The following CEP295NL variants were observed in gnomAD, a reference collection of about 807,000 sequenced individuals.
CEP295NL encodes the protein CEP295 N-terminal like.
In CEP295NL, 3 loss-of-function variants were observed where a neutral mutation model predicts 4.6. That is an observed-to-expected ratio of 0.65 (90% CI 0.30 to 1.69). The LOEUF (loss-of-function observed/expected upper bound fraction) is 1.69. Ranked by LOEUF, CEP295NL falls within the 40% of genes most tolerant of loss-of-function variation. The probability of loss-of-function intolerance (pLI) is 0.10; values close to 1 mark genes in which losing one functional copy is unlikely to be tolerated. For missense variants in CEP295NL, 719 were observed against 769.0 expected (o/e 0.93, Z 0.77); for synonymous variants, 295 against 312.2 (o/e 0.94, Z 0.58).
At position 78,892,049 on chromosome 17, in the gene CEP295NL, G is replaced by A. The variant is rs925503035; in HGVS notation, c.455C>T (p.Ser152Leu). The change falls in exon 3 of 3, where the codon TCG becomes TTG. Residue 152 changes from serine (S) to leucine (L), a missense_variant. Ser to Leu is a moderately radical substitution (Grantham distance 145, BLOSUM62 -2). Coordinates refer to ENST00000322630, the MANE Select transcript of CEP295NL (RefSeq NM_001243540.2). The stretch of plus-strand genomic sequence containing the variant: ...TGATCTTCGCTGGATGGGCCCCTGC[G>A]AGTCAGGCTCATTTTCCCTGGCCCG... ...GGRARENEPD[S>L]QGPIQRRSAR... 39 of 1,550,938 alleles carry A rather than the reference G, an allele frequency of 2.5e-5. No homozygotes were observed. Among genetic ancestry groups the A allele is most frequent in the Admixed American group, 9.8e-5 (5 of 50,998 alleles).
In CEP295NL at chr17:78,891,330, C is replaced by G. The variant is rs1255316724; in HGVS notation, c.1174G>C (p.Gly392Arg). The part of the protein sequence containing the change: ...MQECGAGTPR[G>R]KKMADPEMLP... ...ATCTCTGGGTCTGCCATTTTCTTCCCTCTTGGGGTCCCAGCGCCACACTCT... is the reference window on the plus strand; with the variant it reads ...ATCTCTGGGTCTGCCATTTTCTTCCGTCTTGGGGTCCCAGCGCCACACTCT... Residue 392 changes from glycine to arginine, a missense_variant, in exon 3 of 3, where the codon GGG becomes CGG. By Grantham distance (125) the Gly-to-Arg change is moderately radical (BLOSUM62 -2). Coordinates refer to ENST00000322630, the MANE Select transcript of CEP295NL (RefSeq NM_001243540.2). This position sits in a 1 kb window ranked among gnomAD's most constrained non-coding sequence, Gnocchi z 4.5. The G allele has an allele frequency of 1.3e-6, 2 of 1,550,324 alleles. No individual in the cohort carries two copies. The highest frequency in any genetic ancestry group is 3.9e-5 in the Admixed American group (2 of 50,986).
At position 78,901,808 on chromosome 17, in the gene CEP295NL, G is replaced by C. The variant is rs745610777; in HGVS notation, c.21C>G (p.Ser7Arg). The change falls in exon 2 of 3, where the codon AGC becomes AGG. Residue 7 changes from serine (S) to arginine (R), a missense_variant. Transcript: ENST00000322630. ...ACTGTGTGTGTCTCCAGATGACTGAGCTAGACCACCCAGAACACATTACAG... is the reference window on the plus strand; with the variant it reads ...ACTGTGTGTGTCTCCAGATGACTGACCTAGACCACCCAGAACACATTACAG... Reference protein sequence around the residue: MCSGWSSSVIWRHTQFA... With the variant: MCSGWSRSVIWRHTQFA... 5 of 717,208 alleles carry C rather than the reference G, an allele frequency of 7.0e-6. No homozygotes were observed. In the South Asian group the frequency reaches 7.4e-5, roughly 11 times the overall value. The allele number at this position is 717,208 out of a possible 1,614,324, so 44.4% of individuals were successfully genotyped here.
Position 78,890,690 on chromosome 17 carries a change from T to C in CEP295NL, c.1814A>G (p.Gln605Arg). 6.4e-7 allele frequency: 1 copy of C among 1,550,620 alleles called. No homozygotes were observed. Among genetic ancestry groups the C allele is most frequent in the Non-Finnish European group, 8.7e-7 (1 of 1,146,990 alleles). ...GCATTTCCGGGCTTCTTCAAGAAAC[T>C]GCTTGTGCAACCTGTTTTGCTGTAA... ...QILQQNRLHK[Q>R]FLEEARKCLR... The change falls in exon 3 of 3, where the codon CAG becomes CGG. Residue 605 changes from glutamine to arginine, a missense_variant. Transcript: ENST00000322630.
intron 2 of CEP295NL, among the ~76,000 whole-genome samples, chr17:78,893,888 T>C (rs541792233): frequency 2.8e-4 from 42 of 152,246 alleles, no homozygotes; most frequent in African/African-American, 9.6e-4. Flanking sequence ...ATTGTGTCTG[T>C]TGCCACGGGT....
At position 78,891,655 on chromosome 17, in the gene CEP295NL, C is replaced by T. The variant is rs1343741381; in HGVS notation, c.849G>A (p.Lys283=). 6.4e-7 allele frequency: 1 copy of T among 1,550,940 alleles called. No individual in the cohort carries two copies. The highest frequency in any genetic ancestry group is 2.0e-5 in the Admixed American group (1 of 50,988). The change falls in exon 3 of 3, where the codon AAG becomes AAA. Residue 283 remains lysine, a synonymous_variant. Transcript: ENST00000322630. This position sits in a 1 kb window ranked among gnomAD's most constrained non-coding sequence, Gnocchi z 4.5. ...GGGCTGGAACAAAGCAAACTGCCCC[C>T]TTTCCCAGTTGCCTCCTCCCCGCCC... ...TARAGRRQLG[K]GAVCFVPALT... is the part of the protein sequence containing the mutation.
chr17:78,897,048 G>A (rs1263597041), intron 2 of CEP295NL: 1 of 973,756 alleles, frequency 1.0e-6, no homozygotes, highest in African/African-American at 1.8e-5. Context: ...CCTCACCCAG[G>A]GACCCTCCAC....
At chr17:78,900,022 G>A (rs540076340) in intron 2 of CEP295NL, 68 of 152,302 alleles carry the variant, frequency 4.5e-4, no homozygotes, top group African/African-American at 1.5e-3. Flanking sequence ...AGGCGCCTAC[G>A]TAGAATATGT....
intron 2 of CEP295NL, among the ~76,000 whole-genome samples, chr17:78,893,398 C>CGT (rs1216572988): frequency 1.9e-5 from 1 of 53,176 alleles, no homozygotes; most frequent in Non-Finnish European, 3.0e-5. Context: ...GGTGTGTATG[C>CGT]AGGGGTGTGT....
rs1175180595 is a variant in CEP295NL at position 78,896,445 on chromosome 17, A to T, written c.45-3986T>A. On this transcript the variant is annotated intron_variant, in intron 2 of 2. Transcript: ENST00000322630. The surrounding 1 kb of genome is among the most constrained non-coding windows in gnomAD (Gnocchi z 4.4). The stretch of plus-strand genomic sequence containing the variant: ...AGGACACTTGCCAATGAAGACAGCC[A>T]TGGTTCCAATCAGGGCCCTCGCTAC... 6.6e-6 allele frequency among the ~76,000 whole-genome samples: 1 copy of T among 152,182 alleles called. No homozygotes were observed. The highest frequency in any genetic ancestry group is 1.5e-5 in the Non-Finnish European group (1 of 68,030).
chr17:78,893,302 GGGGTGTATGTGCAA>G (rs2069940064), intron 2 of CEP295NL, among the ~76,000 whole-genome samples: 1 of 133,508 alleles, frequency 7.5e-6, no homozygotes, highest in South Asian at 2.5e-4. Context: ...TGTGTGTGCA[GGGGTGTATGTGCAA>G]GGGTGTGTGT....
At chr17:78,902,107 G>A (rs1439708320) in intron 1 of CEP295NL, among the ~76,000 whole-genome samples, 181 bp from the exon 2 acceptor site, 1 of 152,190 alleles carries the variant, frequency 6.6e-6, no homozygotes, top group African/African-American at 2.4e-5. Context: ...GGGGACGGGG[G>A]TCCCAAGCCA....
Position 78,893,432 on chromosome 17 carries a change from G to GGTGTGTGTGCAGGGGT in CEP295NL, c.45-974_45-973insACCCCTGCACACACAC, listed in dbSNP as rs373494208. Among the ~76,000 whole-genome samples the GGTGTGTGTGCAGGGGT allele has an allele frequency of 2.1e-4, 27 of 125,864 alleles. 1 individual carries two copies. The South Asian group carries it at 7.3e-3, about 34-fold the overall frequency. The allele number at this position is 125,864 out of a possible 152,430, so 82.6% of individuals were successfully genotyped here. ...GTGTGCATAGGGGTGTGTGTGCAGG[G>GGTGTGTGTGCAGGGGT]GTGTGTGCGTGGGGCTGTGTGTGCA... On this transcript the variant is annotated intron_variant, in intron 2 of 2. Transcript: ENST00000322630.
At chr17:78,898,873 G>A (rs1224885992) in intron 2 of CEP295NL, 2 of 152,260 alleles carry the variant, frequency 1.3e-5, no homozygotes, top group Non-Finnish European at 2.9e-5. Context: ...AAGTAGCTGG[G>A]ACTATAGGCA....
At chr17:78,902,399 T>C (rs1197931516) in intron 1 of CEP295NL, among the ~76,000 whole-genome samples, 7 of 152,192 alleles carry the variant, frequency 4.6e-5, no homozygotes, top group Non-Finnish European at 1.0e-4. Flanking sequence ...TGAGCCACCA[T>C]GCCCAGCCTG....
chr17:78,892,631 G>T, intron 2 of CEP295NL, 172 bp from the exon 3 acceptor site: 1 of 985,154 alleles, frequency 1.0e-6, no homozygotes, highest in Non-Finnish European at 1.5e-6. Flanking sequence ...CCCAATTTCT[G>T]TCCTGTACAC....
chr17:78,893,191 GTGTGCAAGGA>G (rs1297182457), intron 2 of CEP295NL, among the ~76,000 whole-genome samples: 1 of 149,558 alleles, frequency 6.7e-6, no homozygotes, highest in Non-Finnish European at 1.5e-5. Flanking sequence ...GTGCAGGGGT[GTGTGCAAGGA>G]TGTGTGTGCA....
Position 78,896,836 on chromosome 17 carries a change from C to G in CEP295NL, c.45-4377G>C. Reference sequence around the variant, plus strand: ...CTCTTGCTCTCTACAGCCCCGTGGCCCCAGCGCAGGAGCCAGCCCATGGCA... The same window carrying G: ...CTCTTGCTCTCTACAGCCCCGTGGCGCCAGCGCAGGAGCCAGCCCATGGCA... On this transcript the variant is annotated intron_variant, in intron 2 of 2. Coordinates refer to ENST00000322630, the MANE Select transcript of CEP295NL (RefSeq NM_001243540.2). This position sits in a 1 kb window ranked among gnomAD's most constrained non-coding sequence, Gnocchi z 4.4. The G allele has an allele frequency of 1.3e-6, 1 of 766,604 alleles. No homozygotes were observed. The highest frequency in any genetic ancestry group is 1.6e-6 in the Non-Finnish European group (1 of 630,274). The allele number at this position is 766,604 out of a possible 1,614,324, so 47.5% of individuals were successfully genotyped here.
At chr17:78,901,691 G>A (rs1484344936) in intron 2 of CEP295NL, 94 bp downstream of exon 2, 2 of 715,822 alleles carry the variant, frequency 2.8e-6, no homozygotes, top group South Asian at 1.5e-5. Flanking sequence ...TTAGGATGGG[G>A]ATGATAACAA....
intron 2 of CEP295NL, among the ~76,000 whole-genome samples, chr17:78,893,405 G>GTGTGCGCGTAGCGGTA (rs139652180): frequency 3.1e-5 from 4 of 128,298 alleles, no homozygotes; most frequent in African/African-American, 1.4e-4. Flanking sequence ...ATGCAGGGGT[G>GTGTGCGCGTAGCGGTA]TGTGTGCATA....
Sources: gnomAD v4.1 joint callset for allele counts (sites outside exome capture counted in the v4.1 genomes callset) on GRCh38, gnomAD v4.1.1 for gene constraint, Gnocchi (gnomAD v3.1) non-coding constraint, MANE v1.5 for transcripts, NCBI Gene and HGNC (gene_info 2026-07-23, HGNC 2026-07-21) for gene names.